Variants in GRID2IP observed in about 807,000 individuals in gnomAD.
GRID2IP encodes the protein delphilin.
A neutral mutation model predicts 114.3 loss-of-function variants in GRID2IP; 78 were observed. That is an observed-to-expected ratio of 0.68 (90% CI 0.57 to 0.82). GRID2IP has a LOEUF of 0.82. Among genes scored for constraint, GRID2IP ranks in the 40% least tolerant of loss-of-function variants. The pLI, the probability that GRID2IP is intolerant of heterozygous loss-of-function variation, is 0.00. For missense variants in GRID2IP, 1,727 were observed against 1,678.5 expected (o/e 1.03, Z -0.51); for synonymous variants, 809 against 724.0 (o/e 1.12, Z -1.89).
chr7:6,505,738 G>A (rs113958333), intron 14 of GRID2IP, 82 bp downstream of exon 14: 4 of 858,954 alleles, frequency 4.7e-6, no homozygotes, highest in East Asian at 5.3e-5. Flanking sequence ...AGTAGTCAGT[G>A]CAGCCCTGGG....
Position 6,526,896 on chromosome 7 carries a change from G to A in GRID2IP, c.585-127C>T. ...CCACCTCTTCCTAGGAGTGGCGGAG[G>A]GCTGGGGGGATCGGGATGAGCAGCC... is the stretch of plus-strand genomic sequence containing the variant. On this transcript the variant is annotated intron_variant, in intron 2 of 21. Coordinates refer to ENST00000457091, the MANE Select transcript of GRID2IP (RefSeq NM_001145118.2). The surrounding 1 kb of genome is among the most constrained non-coding windows in gnomAD (Gnocchi z 7.6). 9.0e-7 allele frequency: 1 copy of A among 1,109,196 alleles called. No homozygotes were observed. The highest frequency in any genetic ancestry group is 1.2e-6 in the Non-Finnish European group (1 of 841,880). The allele number at this position is 1,109,196 out of a possible 1,614,324, so 68.7% of individuals were successfully genotyped here.
intron 1 of GRID2IP, among the ~76,000 whole-genome samples, chr7:6,548,564 G>A (rs899109387): frequency 7.2e-5 from 11 of 151,982 alleles, no homozygotes; most frequent in Admixed American, 3.3e-4. Flanking sequence ...TTGGCCAGAT[G>A]CGGTGGCTCA....
intron 8 of GRID2IP, among the ~76,000 whole-genome samples, chr7:6,513,815 G>A (rs1779231072): frequency 6.6e-6 from 1 of 152,080 alleles, no homozygotes; most frequent in Non-Finnish European, 1.5e-5. Flanking sequence ...AGATGCAGTG[G>A]CTCACACCTG....
rs1033905645 is a variant in GRID2IP at position 6,514,667 on chromosome 7, G to A, written c.1269-138C>T. 1.1e-4 allele frequency: 78 copies of A among 712,488 alleles called. No homozygotes were observed. The Middle Eastern group carries it at 1.3e-3, about 12-fold the overall frequency. 44.1% of individuals were successfully genotyped at this position (712,488 alleles called of 1,614,324 possible). ...ATCCCTACCCTTCAAAGACAGAAGT[G>A]GGGGCCGGGCACAGTGGCTCACGCC... On this transcript the variant is annotated intron_variant, in intron 7 of 21. Coordinates refer to ENST00000457091, the MANE Select transcript of GRID2IP (RefSeq NM_001145118.2).
In GRID2IP at chr7:6,536,261, C is replaced by T. The variant is rs1303162178; in HGVS notation, c.584+3457G>A. 6.6e-6 allele frequency among the ~76,000 whole-genome samples: 1 copy of T among 152,202 alleles called. No individual in the cohort carries two copies. Among genetic ancestry groups the T allele is most frequent in the Non-Finnish European group, 1.5e-5 (1 of 68,026 alleles). On this transcript the variant is annotated intron_variant, in intron 2 of 21. Transcript: ENST00000457091. The surrounding 1 kb of genome is among the most constrained non-coding windows in gnomAD (Gnocchi z 5.3). ...TTGCGGAGCCCAGCTGGGCGCCGCC[C>T]CTTCCTCCAGCAGCCTCCCCAGTTT... is the stretch of plus-strand genomic sequence containing the variant.
intron 2 of GRID2IP, among the ~76,000 whole-genome samples, chr7:6,530,404 C>T (rs778315059): frequency 6.6e-6 from 1 of 152,042 alleles, no homozygotes; most frequent in Non-Finnish European, 1.5e-5. Flanking sequence ...TCTGGGGCTA[C>T]AGGCATGCAC....
rs1266653882 is a variant in GRID2IP, at chr7:6,510,720, A to C, written c.1556-14T>G. 5.2e-6 allele frequency: 8 copies of C among 1,545,762 alleles called. No individual in the cohort carries two copies. In the South Asian group the frequency reaches 6.0e-5, roughly 12 times the overall value. On this transcript the variant is annotated splice_polypyrimidine_tract_variant and intron_variant, in intron 9 of 21. Transcript: ENST00000457091. ...ACTCGCTGGGACCTACCGGGGAATA[A>C]TGTCATTACCGTATCTGAGCTCTAC...
chr7:6,503,461 G>A, intron 16 of GRID2IP, 30 bp downstream of exon 16: 1 of 1,492,386 alleles, frequency 6.7e-7, no homozygotes, highest in East Asian at 2.6e-5. Flanking sequence ...AGCCGGCCGA[G>A]GCCTCGGGGC....
In GRID2IP at chr7:6,498,095, C is replaced by T; in HGVS notation, c.3533G>A (p.Gly1178Asp). ...TTTGCTCATGAACTCTGCAAAGATG[C>T]CGAAGAAAGCCTCAGAGGTGGTGGC... ...SKATTSEAFFGIFAEFMSKFE... is the reference protein window; with the variant it reads ...SKATTSEAFFDIFAEFMSKFE... The change falls in exon 21 of 22, where the codon GGC (glycine) becomes GAC (aspartate). Residue 1178 changes from glycine (G) to aspartate (D), a missense_variant. Gly to Asp is a moderately conservative substitution (Grantham distance 94). Transcript: ENST00000457091. The T allele has an allele frequency of 6.4e-7, 1 of 1,551,402 alleles. No homozygotes were observed. The highest frequency in any genetic ancestry group is 8.7e-7 in the Non-Finnish European group (1 of 1,146,850).
At chr7:6,513,386 CTTTTTT>C (rs34015103) in intron 8 of GRID2IP, among the ~76,000 whole-genome samples, 1 of 144,658 alleles carries the variant, frequency 6.9e-6, no homozygotes, top group Non-Finnish European at 1.5e-5. Context: ...TAAATTAAAA[CTTTTTT>C]TTTTTTTGGT....
At chr7:6,550,355 T>C (rs984383043) in intron 1 of GRID2IP, among the ~76,000 whole-genome samples, 12 of 152,154 alleles carry the variant, frequency 7.9e-5, no homozygotes, top group Admixed American at 4.6e-4. Context: ...TCAATTATTC[T>C]ATAGTCTACA....
At chr7:6,549,917 C>T (rs966637834) in intron 1 of GRID2IP, among the ~76,000 whole-genome samples, 1 of 151,896 alleles carries the variant, frequency 6.6e-6, no homozygotes, top group Non-Finnish European at 1.5e-5. Context: ...AGGCGTGAGC[C>T]ACCTCACCCC....
intron 2 of GRID2IP, among the ~76,000 whole-genome samples, chr7:6,531,588 C>T (rs1779626801): frequency 6.6e-6 from 1 of 152,220 alleles, no homozygotes; most frequent in African/African-American, 2.4e-5. Context: ...CCTGTTTACC[C>T]TCCCCGGGGT....
chr7:6,500,224 G>A (rs1325717549), intron 20 of GRID2IP, among the ~76,000 whole-genome samples: 5 of 152,052 alleles, frequency 3.3e-5, no homozygotes, highest in Non-Finnish European at 7.4e-5. Context: ...AGCACTTTGG[G>A]AGGCCGAGGC....
intron 2 of GRID2IP, 26 bp downstream of exon 2, chr7:6,539,692 T>C (rs756063688): frequency 2.6e-6 from 4 of 1,526,406 alleles, no homozygotes; most frequent in African/African-American, 1.4e-5. Context: ...ACCCTGCCTG[T>C]CTATCCTGCC....
intron 1 of GRID2IP, among the ~76,000 whole-genome samples, chr7:6,542,095 T>A (rs1426204027): frequency 2.0e-5 from 3 of 151,228 alleles, no homozygotes; most frequent in Middle Eastern, 3.4e-3. Context: ...TGAGGTCAGG[T>A]GTTTGAGACC....
intron 1 of GRID2IP, among the ~76,000 whole-genome samples, chr7:6,548,113 A>T (rs370297148): frequency 1.3e-5 from 2 of 152,138 alleles, no homozygotes; most frequent in Non-Finnish European, 2.9e-5. Flanking sequence ...GCACTTTTGG[A>T]AGGCCGAGGT....
In GRID2IP at chr7:6,505,827, T is replaced by C; in HGVS notation, c.2625A>G (p.Lys875=). 1 of 1,551,096 alleles carries C rather than the reference T, an allele frequency of 6.4e-7. No individual in the cohort carries two copies. Among genetic ancestry groups the C allele is most frequent in the South Asian group, 1.2e-5 (1 of 84,032 alleles). Residue 875 remains lysine (K), a synonymous_variant, in exon 14 of 22, where the codon AAA becomes AAG. Transcript: ENST00000457091. ...GGCCATCAGGCCACTCACTAGCAGG[T>C]TTCTGGGTGCCGAAGTGGAGCTCCA... The part of the protein sequence containing the change: ...LDLELHFGTQ[K]PAKPVPGPEP...
At position 6,526,412 on chromosome 7, in the gene GRID2IP, C is replaced by G. The variant is rs1779511199; in HGVS notation, c.834-103G>C. The G allele has an allele frequency of 5.3e-6, 8 of 1,509,926 alleles. No homozygotes were observed. Among genetic ancestry groups the G allele is most frequent in the African/African-American group, 1.4e-5 (1 of 72,516 alleles). The allele number at this position is 1,509,926 out of a possible 1,614,324, so 93.5% of individuals were successfully genotyped here. On this transcript the variant is annotated intron_variant, in intron 3 of 21. Coordinates refer to ENST00000457091, the MANE Select transcript of GRID2IP (RefSeq NM_001145118.2). The surrounding 1 kb of genome is among the most constrained non-coding windows in gnomAD (Gnocchi z 7.6). ...CTCTCCCCTTAACCTCTCCGGCCCC[C>G]TATGCACCCCAGATGCCCAGCCCCG...
Sources: gnomAD v4.1 joint callset for allele counts (sites outside exome capture counted in the v4.1 genomes callset) on GRCh38, gnomAD v4.1.1 for gene constraint, Gnocchi (gnomAD v3.1) non-coding constraint, MANE v1.5 for transcripts, NCBI Gene and HGNC (gene_info 2026-07-23, HGNC 2026-07-21) for gene names.